The following LMCD1 variants were observed in gnomAD, a reference collection of about 807,000 sequenced individuals.
LMCD1 encodes LIM and cysteine rich domains 1, also known as LIM and cysteine-rich domains protein 1.
Under a neutral mutation model 42.7 loss-of-function variants are expected in LMCD1, and 32 were observed. The ratio of observed to expected loss-of-function variants is 0.75; its 90% CI spans 0.57 to 1.01. The LOEUF (loss-of-function observed/expected upper bound fraction) is 1.01, where lower values mean the gene tolerates loss of function less well. LMCD1 is among the 50% of genes least tolerant of loss of function. The pLI, the probability that LMCD1 is intolerant of heterozygous loss-of-function variation, is 0.00. For missense variants in LMCD1, 458 were observed against 483.1 expected (o/e 0.95, Z 0.49); for synonymous variants, 178 against 184.9 (o/e 0.96, Z 0.30).
chr3:8,561,558 G>A (rs1021436976), intron 4 of LMCD1, among the ~76,000 whole-genome samples: 2 of 152,180 alleles, frequency 1.3e-5, no homozygotes, highest in African/African-American at 2.4e-5. Context: ...GCTTACTGAT[G>A]CCGGATCTCA....
chr3:8,565,746 T>TC (rs1176481681), intron 5 of LMCD1, 99 bp downstream of exon 5: 1 of 1,168,738 alleles, frequency 8.6e-7, no homozygotes, highest in African/African-American at 1.5e-5. Context: ...GATGATGTGT[T>TC]CTACAGATTG....
At chr3:8,550,637 A>T (rs1319825228) in intron 4 of LMCD1, 2 of 985,106 alleles carry the variant, frequency 2.0e-6, no homozygotes, top group East Asian at 2.3e-4. Flanking sequence ...AGTGACGCAT[A>T]AAAGGCCCAT....
intron 4 of LMCD1, chr3:8,550,381 G>C (rs1379893101): frequency 1.0e-6 from 1 of 985,138 alleles, no homozygotes; most frequent in Non-Finnish European, 1.2e-6. Context: ...TGCTGAACAG[G>C]CTGGCAGTCA....
intron 4 of LMCD1, among the ~76,000 whole-genome samples, chr3:8,564,671 A>C (rs1695096774): frequency 1.3e-5 from 2 of 152,380 alleles, no homozygotes; most frequent in South Asian, 2.1e-4. Flanking sequence ...ATGTAAACAA[A>C]TATGAAAGGT....
intron 1 of LMCD1, among the ~76,000 whole-genome samples, chr3:8,524,570 A>G (rs1694263928): frequency 6.6e-6 from 1 of 152,238 alleles, no homozygotes; most frequent in African/African-American, 2.4e-5. Flanking sequence ...CTTGTAGGGA[A>G]TGGTGGTCCA....
intron 4 of LMCD1, among the ~76,000 whole-genome samples, chr3:8,556,984 G>C (rs1493594): frequency 0.27 from 41,276 of 152,042 alleles, 6,069 homozygotes; most frequent in African/African-American, 0.39. Context: ...AAGGCATTTC[G>C]TATGAGCCAG....
Position 8,537,327 on chromosome 3 carries a change from C to A in LMCD1, c.274C>A (p.Arg92=). ...TARVKGGDGI[R]IYKRNRMIMT... ...TCGGGTGAAAGGCGGGGACGGCATC[C>A]GGATTTACAAGAGGAACCGGATGAT... The change falls in exon 3 of 6, where the codon CGG becomes AGG. Residue 92 remains arginine, a synonymous_variant. Transcript: ENST00000157600. 2 of 1,614,102 alleles carry A rather than the reference C, an allele frequency of 1.2e-6. No individual in the cohort carries two copies. The highest frequency in any genetic ancestry group is 1.7e-6 in the Non-Finnish European group (2 of 1,180,020).
At chr3:8,502,994 TG>T (rs1367762331) in intron 1 of LMCD1, among the ~76,000 whole-genome samples, 1 of 152,170 alleles carries the variant, frequency 6.6e-6, no homozygotes, top group Non-Finnish European at 1.5e-5. Context: ...TAACTGCACA[TG>T]ATTCACCAGG....
intron 1 of LMCD1, among the ~76,000 whole-genome samples, chr3:8,528,270 C>G (rs538646896): frequency 6.6e-6 from 1 of 152,050 alleles, no homozygotes; most frequent in African/African-American, 2.4e-5. Flanking sequence ...CTCACTGCAG[C>G]CTTAAACTGC....
chr3:8,511,483 T>C (rs1292209023), intron 1 of LMCD1, among the ~76,000 whole-genome samples: 1 of 152,130 alleles, frequency 6.6e-6, no homozygotes, highest in Non-Finnish European at 1.5e-5. Flanking sequence ...TTGATCGGGG[T>C]ACATGTGTGG....
chr3:8,506,534 CT>C (rs1161948559), intron 1 of LMCD1, among the ~76,000 whole-genome samples: 2 of 152,148 alleles, frequency 1.3e-5, no homozygotes, highest in Admixed American at 6.5e-5. Flanking sequence ...GGAATAGTTC[CT>C]CTCGCAACTC....
At chr3:8,546,468 C>T (rs555072831) in intron 3 of LMCD1, among the ~76,000 whole-genome samples, 1 of 152,278 alleles carries the variant, frequency 6.6e-6, no homozygotes, top group South Asian at 2.1e-4. Flanking sequence ...CTCCTTTTTA[C>T]AGCTGAAGAA....
chr3:8,532,733 C>G lies in LMCD1; in HGVS notation c.43-4C>G. 1 of 1,613,614 alleles carries G rather than the reference C, an allele frequency of 6.2e-7. No homozygotes were observed. Among genetic ancestry groups the G allele is most frequent in the Non-Finnish European group, 8.5e-7 (1 of 1,179,612 alleles). ...AAACACCCTCTTTTCTGTTCCTTTT[C>G]CAGATGTCCCTGGGCCAGCTGCAGT... On this transcript the variant is annotated splice_region_variant and splice_polypyrimidine_tract_variant and intron_variant, in intron 1 of 5. Transcript: ENST00000157600.
chr3:8,539,430 G>A (rs1391985006), intron 3 of LMCD1, among the ~76,000 whole-genome samples: 3 of 152,100 alleles, frequency 2.0e-5, no homozygotes, highest in African/African-American at 7.2e-5. Context: ...GCTTGTCCCG[G>A]GCCACAGAGT....
At chr3:8,534,264 C>T (rs1694470885) in intron 2 of LMCD1, among the ~76,000 whole-genome samples, 1 of 151,652 alleles carries the variant, frequency 6.6e-6, no homozygotes, top group South Asian at 2.1e-4. Context: ...TCCTGTGCTC[C>T]CTGCTGTCCA....
intron 1 of LMCD1, among the ~76,000 whole-genome samples, chr3:8,509,147 T>A (rs553117327): frequency 1.3e-5 from 2 of 152,162 alleles, no homozygotes; most frequent in African/African-American, 2.4e-5. Context: ...TTGATAAACA[T>A]TTCCTCCTGC....
intron 1 of LMCD1, among the ~76,000 whole-genome samples, chr3:8,521,086 A>G (rs1694196848): frequency 6.6e-6 from 1 of 152,194 alleles, no homozygotes; most frequent in African/African-American, 2.4e-5. Flanking sequence ...TTCAGCCTTA[A>G]AAATCCTATC....
chr3:8,535,601 A>G (rs1469591091), intron 2 of LMCD1, among the ~76,000 whole-genome samples: 5 of 152,158 alleles, frequency 3.3e-5, no homozygotes, highest in Non-Finnish European at 7.4e-5. Context: ...ACCACTAAGC[A>G]CCAAGCCTTT....
intron 2 of LMCD1, among the ~76,000 whole-genome samples, chr3:8,536,583 A>G (rs1006004922): frequency 2.6e-5 from 4 of 152,202 alleles, no homozygotes; most frequent in African/African-American, 7.2e-5. Flanking sequence ...ATTTATGCTA[A>G]AGAGTTTAAA....
Sources: allele counts gnomAD v4.1 joint callset (sites outside exome capture counted in the v4.1 genomes callset), GRCh38; gene constraint gnomAD v4.1.1; transcripts MANE v1.5; gene names NCBI Gene and HGNC (gene_info 2026-07-23, HGNC 2026-07-21).